ANO4: variants seen among roughly 807,000 people sequenced by gnomAD.
The protein encoded by ANO4 is anoctamin-4.
In ANO4, 69 loss-of-function variants were observed where a neutral mutation model predicts 141.9. That is an observed-to-expected ratio of 0.49 (90% CI 0.40 to 0.59). The LOEUF (loss-of-function observed/expected upper bound fraction) is 0.59. ANO4 is among the 20% of genes least tolerant of loss of function. ANO4 has a pLI of 0.00. For synonymous variants in ANO4, 350 were observed against 394.3 expected, an observed-to-expected ratio of 0.89 and a Z score of 1.33; for missense variants, 894 against 1,162.2, an observed-to-expected ratio of 0.77 and a Z score of 3.36.
chr12:100,955,531 G>A (rs1275379869), intron 5 of ANO4, among the ~76,000 whole-genome samples: 1 of 152,190 alleles, frequency 6.6e-6, no homozygotes, highest in South Asian at 2.1e-4. Flanking sequence ...AGAATGAAGG[G>A]GAAGGGACAT....
chr12:100,825,493 A>G (rs1383699606), intron 1 of ANO4, among the ~76,000 whole-genome samples: 3 of 152,068 alleles, frequency 2.0e-5, no homozygotes, highest in African/African-American at 7.2e-5. Context: ...ATGGCACCAC[A>G]CTGCCTCATG....
At chr12:100,774,157 A>T (rs1357657949) in intron 3 of ANO4, among the ~76,000 whole-genome samples, 1 of 149,334 alleles carries the variant, frequency 6.7e-6, no homozygotes, top group Admixed American at 6.7e-5. Context: ...AAAAAATATA[A>T]CCGTCTGTGC....
chr12:100,826,492 T>C (rs956909909), intron 1 of ANO4, among the ~76,000 whole-genome samples: 4 of 152,064 alleles, frequency 2.6e-5, no homozygotes, highest in African/African-American at 9.7e-5. Flanking sequence ...TGTGTTTTTC[T>C]TTTTGTATTT....
intron 25 of ANO4, among the ~76,000 whole-genome samples, chr12:101,117,225 C>T (rs558852652): frequency 4.6e-5 from 7 of 152,286 alleles, no homozygotes; most frequent in African/African-American, 1.7e-4. Flanking sequence ...AACTCAGAAG[C>T]CTGTGGAAAG....
chr12:100,982,783 G>T (rs1452537411), intron 7 of ANO4, among the ~76,000 whole-genome samples: 3 of 152,110 alleles, frequency 2.0e-5, no homozygotes, highest in African/African-American at 7.2e-5. Flanking sequence ...TATACTAAAG[G>T]TTATCTAACA....
chr12:101,110,606 G>C (rs1426989304), intron 23 of ANO4, 50 bp downstream of exon 23: 2 of 1,410,488 alleles, frequency 1.4e-6, no homozygotes, highest in Non-Finnish European at 1.9e-6. Context: ...ACATCTGGTG[G>C]ATAAAATTTT....
chr12:101,088,534 T>A (rs1305881989), intron 17 of ANO4, among the ~76,000 whole-genome samples: 1 of 152,188 alleles, frequency 6.6e-6, no homozygotes, highest in Non-Finnish European at 1.5e-5. Flanking sequence ...TTGTTTATTT[T>A]TTTTTCACTG....
chr12:101,027,469 G>A (rs780501376), intron 9 of ANO4, among the ~76,000 whole-genome samples: 1 of 152,184 alleles, frequency 6.6e-6, no homozygotes, highest in Non-Finnish European at 1.5e-5. Flanking sequence ...AGCTCTCTGT[G>A]GGGGAAAGGA....
intron 3 of ANO4, among the ~76,000 whole-genome samples, chr12:100,930,006 T>C (rs2042025345): frequency 6.6e-6 from 1 of 152,128 alleles, no homozygotes; most frequent in Non-Finnish European, 1.5e-5. Flanking sequence ...TTCAGACATC[T>C]TGCCCATTTT....
At chr12:100,804,776 G>T (rs1485583448) in intron 1 of ANO4, among the ~76,000 whole-genome samples, 1 of 152,126 alleles carries the variant, frequency 6.6e-6, no homozygotes, top group African/African-American at 2.4e-5. Context: ...CATGTCCTTT[G>T]CCCACTTTTT....
chr12:100,886,952 A>T (rs751962792), intron 1 of ANO4, among the ~76,000 whole-genome samples: 2 of 152,214 alleles, frequency 1.3e-5, no homozygotes, highest in African/African-American at 2.4e-5. Flanking sequence ...TCTTGTAGAC[A>T]TAGATTCTGC....
At chr12:101,068,025 A>G (rs192455443) in intron 14 of ANO4, among the ~76,000 whole-genome samples, 6 of 152,366 alleles carry the variant, frequency 3.9e-5, no homozygotes, top group African/African-American at 1.4e-4. Context: ...TTGAAGCAGT[A>G]TAGACACTGT....
chr12:101,120,151 G>GCT (rs1362248666), intron 25 of ANO4, among the ~76,000 whole-genome samples: 2 of 152,044 alleles, frequency 1.3e-5, no homozygotes, highest in East Asian at 3.9e-4. Context: ...TCTCAAGCAG[G>GCT]CTCTCTCTCT....
chr12:100,962,946 G>A (rs1592852247), intron 5 of ANO4, among the ~76,000 whole-genome samples: 1 of 152,282 alleles, frequency 6.6e-6, no homozygotes, highest in South Asian at 2.1e-4. Flanking sequence ...AGTTTAAAAG[G>A]TAGAATCAAT....
chr12:101,109,430 G>A (rs1050627477), intron 22 of ANO4, among the ~76,000 whole-genome samples: 14 of 151,938 alleles, frequency 9.2e-5, no homozygotes, highest in South Asian at 4.2e-4. Context: ...TTGTGATGGC[G>A]GGCGCCTGTA....
chr12:101,083,092 T>G (rs1040707002), intron 15 of ANO4, among the ~76,000 whole-genome samples: 1 of 152,120 alleles, frequency 6.6e-6, no homozygotes, highest in Admixed American at 6.5e-5. Context: ...AATTAAGAAT[T>G]AAGAATATAC....
chr12:101,060,633 A>T (rs1005990830), intron 14 of ANO4, among the ~76,000 whole-genome samples: 2 of 152,138 alleles, frequency 1.3e-5, no homozygotes, highest in African/African-American at 4.8e-5. Flanking sequence ...CCATTATGTA[A>T]TGCGCTTCTC....
intron 17 of ANO4, among the ~76,000 whole-genome samples, chr12:101,092,173 G>A (rs1051908995): frequency 6.6e-6 from 1 of 151,876 alleles, no homozygotes; most frequent in Non-Finnish European, 1.5e-5. Context: ...ATCCAGCCAT[G>A]CCAATCTGAA....
At chr12:101,028,021 G>A (rs927538461) in intron 9 of ANO4, among the ~76,000 whole-genome samples, 3 of 152,020 alleles carry the variant, frequency 2.0e-5, no homozygotes, top group African/African-American at 7.2e-5. Context: ...CTCCAGGTGC[G>A]GGAGCGAACC....
Sources: allele counts gnomAD v4.1 joint callset (sites outside exome capture counted in the v4.1 genomes callset), GRCh38; gene constraint gnomAD v4.1.1; transcripts MANE v1.5; gene names NCBI Gene and HGNC (gene_info 2026-07-23, HGNC 2026-07-21).